The following MYO10 variants were observed in gnomAD, a reference collection of about 807,000 sequenced individuals.
The protein encoded by MYO10 is myosin X.
In MYO10, 133 loss-of-function variants were observed where a neutral mutation model predicts 257.3. The ratio of observed to expected loss-of-function variants is 0.52; its 90% CI spans 0.45 to 0.60. The LOEUF is 0.60. MYO10 is among the 20% of genes least tolerant of loss of function. The pLI, the probability that MYO10 is intolerant of heterozygous loss-of-function variation, is 0.00. For missense variants in MYO10, 2,399 were observed against 2,635.7 expected, an observed-to-expected ratio of 0.91 and a Z score of 1.97; for synonymous variants, 1,104 against 1,028.6, an observed-to-expected ratio of 1.07 and a Z score of -1.40.
At chr5:16,845,549 C>T (rs1351937761) in intron 2 of MYO10, among the ~76,000 whole-genome samples, 1 of 152,072 alleles carries the variant, frequency 6.6e-6, no homozygotes, top group Non-Finnish European at 1.5e-5. Flanking sequence ...CACTTAGAGT[C>T]CCAGCTACTC....
At chr5:16,850,895 G>A (rs1044088421) in intron 2 of MYO10, among the ~76,000 whole-genome samples, 2 of 151,956 alleles carry the variant, frequency 1.3e-5, no homozygotes, top group African/African-American at 2.4e-5. Context: ...TCTGCCTCCC[G>A]GGTTCAAGCA....
chr5:16,796,016 C>T (rs9790872), intron 3 of MYO10, among the ~76,000 whole-genome samples: 16,571 of 151,532 alleles, frequency 0.11, 1,047 homozygotes, highest in South Asian at 0.24. Context: ...AGTGAAACCC[C>T]GTCTCTACTA....
At chr5:16,671,071 C>A (rs1561166823) in intron 38 of MYO10, 93 bp from the exon 39 acceptor site, 2 of 1,173,214 alleles carry the variant, frequency 1.7e-6, no homozygotes, top group Non-Finnish European at 2.4e-6. Flanking sequence ...GAGGGTTTCT[C>A]TCAAACTCAC....
At chr5:16,775,552 T>C (rs921602682) in intron 9 of MYO10, among the ~76,000 whole-genome samples, 1 of 152,080 alleles carries the variant, frequency 6.6e-6, no homozygotes, top group African/African-American at 2.4e-5. Context: ...ACCTCCAAGG[T>C]AGCTAGGACT....
intron 19 of MYO10, among the ~76,000 whole-genome samples, chr5:16,735,654 C>T (rs972246143): frequency 1.3e-5 from 2 of 151,036 alleles, no homozygotes; most frequent in African/African-American, 4.9e-5. Flanking sequence ...GATCCCACCG[C>T]CACACTCTAG....
chr5:16,764,462 T>C, intron 11 of MYO10, 66 bp from the exon 12 acceptor site: 1 of 1,578,218 alleles, frequency 6.3e-7, no homozygotes, highest in Non-Finnish European at 8.6e-7. Context: ...AGGCCATCCA[T>C]TCCCCACTTG....
chr5:16,783,260 T>TA (rs1741475796), intron 5 of MYO10, 75 bp downstream of exon 5: 1 of 1,404,620 alleles, frequency 7.1e-7, no homozygotes, highest in Non-Finnish European at 9.5e-7. Context: ...CAACTAATTT[T>TA]AACTCTTCTT....
At chr5:16,849,598 C>A (rs10058886) in intron 2 of MYO10, among the ~76,000 whole-genome samples, 7,252 of 152,138 alleles carry the variant, frequency 0.048, 604 homozygotes, top group African/African-American at 0.17. Flanking sequence ...CTTGCATATG[C>A]TGAAACCAAA....
Position 16,797,529 on chromosome 5 carries a change from T to A in MYO10, c.280-2696A>T, listed in dbSNP as rs149305310. 3.9e-5 allele frequency among the ~76,000 whole-genome samples: 6 copies of A among 152,326 alleles called. No homozygotes were observed. In the East Asian group the frequency reaches 1.2e-3, roughly 29 times the overall value. The stretch of plus-strand genomic sequence containing the variant: ...ATACTCAAACACTTGTACACACATG[T>A]TCACAGAAGCACCATTCACAACAGC... On this transcript the variant is annotated intron_variant, in intron 3 of 40. Transcript: ENST00000513610.
intron 2 of MYO10, among the ~76,000 whole-genome samples, chr5:16,821,885 T>C (rs1263531246): frequency 6.8e-6 from 1 of 147,742 alleles, no homozygotes; most frequent in East Asian, 2.0e-4. Context: ...CGGGAGACAA[T>C]CGCTACATGA....
At chr5:16,870,669 A>G (rs181613063) in intron 2 of MYO10, among the ~76,000 whole-genome samples, 53 of 152,008 alleles carry the variant, frequency 3.5e-4, no homozygotes, top group African/African-American at 1.0e-3. Flanking sequence ...AAGGCGGGTG[A>G]ATCATCTGAG....
intron 39 of MYO10, among the ~76,000 whole-genome samples, chr5:16,668,743 C>T (rs1231591218): frequency 1.3e-5 from 2 of 152,190 alleles, no homozygotes; most frequent in Non-Finnish European, 2.9e-5. Context: ...CATTATTCTA[C>T]TAGCTGTTTG....
intron 1 of MYO10, among the ~76,000 whole-genome samples, chr5:16,919,426 C>T (rs1301151255): frequency 6.6e-6 from 1 of 152,036 alleles, no homozygotes; most frequent in Non-Finnish European, 1.5e-5. Context: ...CAACTGCCTT[C>T]CCCTCCAAAT....
intron 40 of MYO10, among the ~76,000 whole-genome samples, chr5:16,667,509 G>A (rs1313386033): frequency 6.6e-6 from 1 of 152,146 alleles, no homozygotes; most frequent in Non-Finnish European, 1.5e-5. Flanking sequence ...ATCCCACAGT[G>A]GTTCCTTGTT....
At chr5:16,703,615 A>C (rs1338389205) in intron 22 of MYO10, among the ~76,000 whole-genome samples, 1 of 152,200 alleles carries the variant, frequency 6.6e-6, no homozygotes, top group East Asian at 1.9e-4. Flanking sequence ...GCGGTGGCTC[A>C]TGCCTGTAAT....
At chr5:16,821,244 T>A (rs1742799375) in intron 2 of MYO10, among the ~76,000 whole-genome samples, 1 of 149,270 alleles carries the variant, frequency 6.7e-6, no homozygotes, top group South Asian at 2.1e-4. Context: ...CAATGAAATG[T>A]GTACATCCTA....
At chr5:16,927,929 G>A (rs1746182245) in intron 1 of MYO10, among the ~76,000 whole-genome samples, 1 of 152,132 alleles carries the variant, frequency 6.6e-6, no homozygotes, top group African/African-American at 2.4e-5. Flanking sequence ...TTTATTCAAG[G>A]AATGCTCTTG....
In MYO10 at chr5:16,711,297, G is replaced by A. The variant is rs947524588; in HGVS notation, c.1930-52C>T. 6 of 1,557,014 alleles carry A rather than the reference G, an allele frequency of 3.9e-6. No individual in the cohort carries two copies. The African/African-American group carries it at 4.1e-5, about 11-fold the overall frequency. ...GATACCATTAGAAAAAATGGAATTC[G>A]ATAAGGGAGGCTTAATAAAGCCACC... On this transcript the variant is annotated intron_variant, in intron 19 of 40. Transcript: ENST00000513610.
chr5:16,897,696 C>T (rs578086506), intron 1 of MYO10, among the ~76,000 whole-genome samples: 78 of 152,306 alleles, frequency 5.1e-4, no homozygotes, highest in African/African-American at 1.6e-3. Flanking sequence ...CCACGGCCTC[C>T]ATTTACAGGC....
Sources: gnomAD v4.1 joint callset for allele counts (sites outside exome capture counted in the v4.1 genomes callset) on GRCh38, gnomAD v4.1.1 for gene constraint, MANE v1.5 for transcripts, NCBI Gene and HGNC (gene_info 2026-07-23, HGNC 2026-07-21) for gene names.